DYNC2I1: variants seen among roughly 807,000 people sequenced by gnomAD.
DYNC2I1 encodes cytoplasmic dynein 2 intermediate chain 1.
Under a neutral mutation model 133.4 loss-of-function variants are expected in DYNC2I1, and 89 were observed. That is an observed-to-expected ratio of 0.67 (90% CI 0.56 to 0.80). The LOEUF is 0.80. Among genes scored for constraint, DYNC2I1 ranks in the 30% least tolerant of loss-of-function variants. The pLI, the probability that DYNC2I1 is intolerant of heterozygous loss-of-function variation, is 0.00. For missense variants in DYNC2I1, 1,291 were observed against 1,314.5 expected (o/e 0.98, Z 0.28); for synonymous variants, 504 against 484.3 (o/e 1.04, Z -0.54).
intron 21 of DYNC2I1, among the ~76,000 whole-genome samples, chr7:158,932,829 C>T (rs1477554977): frequency 6.6e-6 from 1 of 152,176 alleles, no homozygotes; most frequent in African/African-American, 2.4e-5. Flanking sequence ...ACTTAAAAAA[C>T]CCAGGAGCTC....
intron 8 of DYNC2I1, among the ~76,000 whole-genome samples, chr7:158,894,269 T>C (rs1845563177): frequency 6.6e-6 from 1 of 152,080 alleles, no homozygotes; most frequent in Admixed American, 6.6e-5. Context: ...ATGGCGCATA[T>C]CCTACCACAT....
chr7:158,949,382 G>C (rs888258076), downstream of DYNC2I1, among the ~76,000 whole-genome samples: 18 of 152,372 alleles, frequency 1.2e-4, 1 homozygote, highest in Middle Eastern at 3.4e-3. Context: ...TCCTGGAAAA[G>C]CGTCTGCCTG....
In DYNC2I1 at chr7:158,912,989, A is replaced by G. The variant is rs1847638848; in HGVS notation, c.1595A>G (p.Tyr532Cys). Reference sequence around the variant, plus strand: ...TGGCATATTTTTGTTTTTAAGGCATATGTTCAGTGTAACGAAGATAATGTT... The same window carrying G: ...TGGCATATTTTTGTTTTTAAGGCATGTGTTCAGTGTAACGAAGATAATGTT... ...NFGKKNTKQA[Y>C]VQCNEDNVER... The change falls in exon 13 of 25, where the codon TAT becomes TGT. Residue 532 changes from tyrosine to cysteine, a missense_variant. Tyr to Cys is a radical substitution (Grantham distance 194). Coordinates refer to ENST00000407559, the MANE Select transcript of DYNC2I1 (RefSeq NM_018051.5). 2 of 1,607,322 alleles carry G rather than the reference A, an allele frequency of 1.2e-6. No homozygotes were observed. The highest frequency in any genetic ancestry group is 1.7e-5 in the Admixed American group (1 of 58,660).
At chr7:158,918,502 G>A (rs1362925697) in intron 14 of DYNC2I1, among the ~76,000 whole-genome samples, 2 of 152,182 alleles carry the variant, frequency 1.3e-5, no homozygotes, top group Non-Finnish European at 2.9e-5. Context: ...AGTGTATGTG[G>A]TGTGAAAAAC....
At chr7:158,841,188 TATATATATATATATATATATATA>T in the DYNC2I1 span, among the ~76,000 whole-genome samples, 2 of 70,338 alleles carry the variant, frequency 2.8e-5, no homozygotes, top group African/African-American at 1.6e-4. Context: ...TATATATATA[TATATATATATATATATATATATA>T]TATATATATA....
downstream of DYNC2I1, among the ~76,000 whole-genome samples, chr7:158,948,197 C>G (rs1311841314): frequency 1.3e-5 from 2 of 152,184 alleles, no homozygotes; most frequent in Non-Finnish European, 2.9e-5. Context: ...ACAGACGTGG[C>G]AAGAGGTGGG....
chr7:158,946,329 A>G (rs1851870294), downstream of DYNC2I1: 1 of 152,270 alleles, frequency 6.6e-6, no homozygotes, highest in African/African-American at 2.4e-5. Context: ...ATACAAGTAA[A>G]TAAACTCTCT....
upstream of DYNC2I1, among the ~76,000 whole-genome samples, chr7:158,852,266 T>C (rs62475638): frequency 0.14 from 21,072 of 151,860 alleles, 1,749 homozygotes; most frequent in Middle Eastern, 0.23. Context: ...GGATTGCAGG[T>C]GCCTGCCACC....
chr7:158,915,352 CGCTGGTTG>C (rs1847980307), intron 14 of DYNC2I1, among the ~76,000 whole-genome samples: 2 of 143,620 alleles, frequency 1.4e-5, no homozygotes, highest in African/African-American at 2.6e-5. Context: ...AACGTCGACA[CGCTGGTTG>C]ACATTAAGGA....
rs766539160 is a variant in DYNC2I1, at chr7:158,911,629, A to G, written c.1540A>G (p.Asn514Asp). ...TFSLLDLPPV[N>D]EYDMYIRNFG... is the part of the protein sequence containing the mutation. ...CTCTCTCTTGGATCTACCACCAGTA[A>G]ATGAATATGACATGTATATCAGAAA... The change falls in exon 12 of 25, where the codon AAT (asparagine) becomes GAT (aspartate). Residue 514 changes from asparagine (N) to aspartate (D), a missense_variant. Transcript: ENST00000407559. 6.2e-7 allele frequency: 1 copy of G among 1,613,732 alleles called. No homozygotes were observed. The highest frequency in any genetic ancestry group is 8.5e-7 in the Non-Finnish European group (1 of 1,179,792).
At chr7:158,883,667 T>C (rs1416181044) in intron 5 of DYNC2I1, among the ~76,000 whole-genome samples, 1 of 142,778 alleles carries the variant, frequency 7.0e-6, no homozygotes, top group East Asian at 2.0e-4. Context: ...TCTTTTTTTT[T>C]TTTTTTTTTT....
chr7:158,956,369 A>AG (rs1387819614), intron 4 of DYNC2I1, among the ~76,000 whole-genome samples: 1 of 152,140 alleles, frequency 6.6e-6, no homozygotes, highest in African/African-American at 2.4e-5. Flanking sequence ...CCGTTCCTGG[A>AG]GGGGCCACCT....
chr7:158,866,821 G>A (rs746568209), intron 1 of DYNC2I1, among the ~76,000 whole-genome samples: 4 of 151,718 alleles, frequency 2.6e-5, no homozygotes, highest in Non-Finnish European at 4.4e-5. Flanking sequence ...GGAAGTGGAG[G>A]TTGCAGTGAG....
chr7:158,945,366 TA>T lies in DYNC2I1; in HGVS notation c.3003-214del, dbSNP rs1257104266. Among the ~76,000 whole-genome samples, 31 of 152,212 alleles carry T rather than the reference TA, an allele frequency of 2.0e-4. No homozygotes were observed. Among genetic ancestry groups the T allele is most frequent in the Non-Finnish European group, 5.9e-5 (4 of 68,022 alleles). ...GAGACAGCAGCACGTCCTCATCACT[TA>T]CCTCTGCGAAGTTCCATCTGGCAGG... On this transcript the variant is annotated intron_variant, in intron 24 of 24. Coordinates refer to ENST00000407559, the MANE Select transcript of DYNC2I1 (RefSeq NM_018051.5). This position sits in a 1 kb window ranked among gnomAD's most constrained non-coding sequence, Gnocchi z 4.1.
intron 8 of DYNC2I1, among the ~76,000 whole-genome samples, chr7:158,895,331 A>G (rs1388790953): frequency 6.6e-6 from 1 of 152,198 alleles, no homozygotes; most frequent in Non-Finnish European, 1.5e-5. Context: ...TGAGGGGTGT[A>G]AGGTCTGTCT....
At chr7:158,864,053 G>A (rs1842173342) in intron 1 of DYNC2I1, among the ~76,000 whole-genome samples, 1 of 145,764 alleles carries the variant, frequency 6.9e-6, no homozygotes, top group Non-Finnish European at 1.5e-5. Context: ...GGTGGGGAGC[G>A]GGAAGTCCTT....
At chr7:158,844,969 T>A in the DYNC2I1 span, among the ~76,000 whole-genome samples, 46 of 150,864 alleles carry the variant, frequency 3.0e-4, no homozygotes, top group African/African-American at 1.1e-3. Context: ...GATCAGCTTG[T>A]GTAAACCAAA....
At chr7:158,940,049 T>A (rs1007383136) in intron 23 of DYNC2I1, among the ~76,000 whole-genome samples, 1 of 152,064 alleles carries the variant, frequency 6.6e-6, no homozygotes, top group African/African-American at 2.4e-5. Flanking sequence ...AATAGTAGGG[T>A]ACTTCAGCAC....
chr7:158,880,101 A>G (rs1843846352), intron 5 of DYNC2I1, 112 bp downstream of exon 5: 5 of 1,278,500 alleles, frequency 3.9e-6, no homozygotes, highest in Middle Eastern at 2.4e-4. Flanking sequence ...GCCTAGTAGT[A>G]GTAATTTAGG....
Sources: gnomAD v4.1 joint callset for allele counts (sites outside exome capture counted in the v4.1 genomes callset) on GRCh38, gnomAD v4.1.1 for gene constraint, Gnocchi (gnomAD v3.1) non-coding constraint, MANE v1.5 for transcripts, NCBI Gene and HGNC (gene_info 2026-07-23, HGNC 2026-07-21) for gene names.